NOMO1: variants seen among roughly 807,000 people sequenced by gnomAD.
NOMO1 encodes nodal modulator 3.
A neutral mutation model predicts 133.8 loss-of-function variants in NOMO1; 40 were observed. The observed-to-expected ratio is 0.30, with a 90% CI of 0.23 to 0.39. The LOEUF is 0.39. Ranked by LOEUF, NOMO1 falls within the 10% of genes least tolerant of loss-of-function variation. NOMO1 has a pLI of 1.00. For synonymous variants in NOMO1, 236 were observed against 570.5 expected, an observed-to-expected ratio of 0.41 and a Z score of 8.36; for missense variants, 462 against 1,419.9, an observed-to-expected ratio of 0.33 and a Z score of 10.84.
At chr16:14,893,511 T>G (rs1469047037) in intron 29 of NOMO1, among the ~76,000 whole-genome samples, 2 of 152,022 alleles carry the variant, frequency 1.3e-5, no homozygotes, top group African/African-American at 2.4e-5. Context: ...AGTAAGTGTT[T>G]ACTTCAGTGG....
At position 14,877,626 on chromosome 16, in the gene NOMO1, C is replaced by G. The variant is rs559716894; in HGVS notation, c.2643+836C>G. Among the ~76,000 whole-genome samples, 436 of 151,980 alleles carry G rather than the reference C, an allele frequency of 2.9e-3. 4 individuals are homozygous for G. Among genetic ancestry groups the G allele is most frequent in the Non-Finnish European group, 3.5e-3 (240 of 67,930 alleles). ...AAAGATTATGAAAAGGAAATTCATG[C>G]AAGTAACGCAGGTGACTAATAAACA... On this transcript the variant is annotated intron_variant, in intron 22 of 30. Transcript: ENST00000287667.
intron 27 of NOMO1, among the ~76,000 whole-genome samples, chr16:14,886,118 G>A (rs896274100): frequency 1.3e-5 from 2 of 152,032 alleles, no homozygotes; most frequent in African/African-American, 4.8e-5. Flanking sequence ...CATGCCGTGT[G>A]GGAGTGAGAA....
In NOMO1 at chr16:14,882,708, G is replaced by T. The variant is rs1380005229; in HGVS notation, c.3111+31G>T. The T allele has an allele frequency of 2.5e-6, 4 of 1,611,450 alleles. No homozygotes were observed. In the African/African-American group the frequency reaches 5.4e-5, roughly 22 times the overall value. On this transcript the variant is annotated intron_variant, in intron 26 of 30. Transcript: ENST00000287667. ...GCATTCAGTGCTGCCGCTGCACCTG[G>T]GTGTGGGTGCCTCCCTGATCAGAAG...
At chr16:14,865,796 G>A (rs1168404108) in intron 14 of NOMO1, among the ~76,000 whole-genome samples, 1 of 126,802 alleles carries the variant, frequency 7.9e-6, no homozygotes, top group Non-Finnish European at 1.6e-5. Flanking sequence ...TGTTATGGCA[G>A]GGCTTGGCAG....
chr16:14,856,807 G>A (rs1378200807), intron 9 of NOMO1, among the ~76,000 whole-genome samples: 2 of 151,924 alleles, frequency 1.3e-5, no homozygotes, highest in African/African-American at 4.8e-5. Flanking sequence ...AGGACTGATC[G>A]ATGCTGGAGG....
chr16:14,836,601 T>C (rs1410346383), intron 1 of NOMO1, among the ~76,000 whole-genome samples: 7 of 151,926 alleles, frequency 4.6e-5, no homozygotes, highest in Admixed American at 4.6e-4. Flanking sequence ...AAATTTTCCT[T>C]GAGCCCAGTA....
intron 25 of NOMO1, 36 bp from the exon 26 acceptor site, chr16:14,882,558 C>G (rs772500211): frequency 1.4e-5 from 23 of 1,611,478 alleles, no homozygotes; most frequent in Non-Finnish European, 1.9e-5. Context: ...CGACAAGCCC[C>G]CTTTCTAGAG....
chr16:14,861,702 C>T (rs992344193), intron 11 of NOMO1, among the ~76,000 whole-genome samples: 9 of 151,064 alleles, frequency 6.0e-5, no homozygotes, highest in Admixed American at 3.3e-4. Context: ...GCTGCGTGAG[C>T]CATACGGTCT....
intron 29 of NOMO1, among the ~76,000 whole-genome samples, chr16:14,892,056 T>C (rs1964412663): frequency 6.6e-6 from 1 of 151,392 alleles, no homozygotes; most frequent in South Asian, 2.1e-4. Context: ...GCCTGGGCAA[T>C]GTGGTGAAAG....
At position 14,868,559 on chromosome 16, in the gene NOMO1, G is replaced by A. The variant is rs1031204750; in HGVS notation, c.1818G>A (p.Gln606=). ...LSHAITLEFY[Q]DGNGRENVGI... is the part of the protein sequence containing the mutation. The stretch of plus-strand genomic sequence containing the variant: ...CTTTGCTTCCTTAGGAATTTTATCA[G>A]GATGGAAATGGGCGTGAGAATGTGG... The change falls in exon 16 of 31, where the codon CAG becomes CAA. Residue 606 remains glutamine, a synonymous_variant. Transcript: ENST00000287667. 5.6e-6 allele frequency: 9 copies of A among 1,611,684 alleles called. 1 individual carries two copies. Among genetic ancestry groups the A allele is most frequent in the Admixed American group, 1.7e-5 (1 of 59,932 alleles).
At chr16:14,880,936 C>T (rs1964233637) in intron 24 of NOMO1, among the ~76,000 whole-genome samples, 1 of 150,762 alleles carries the variant, frequency 6.6e-6, no homozygotes, top group Non-Finnish European at 1.5e-5. Context: ...ATAATCCCAG[C>T]ACTTTTGGAG....
intron 29 of NOMO1, 54 bp downstream of exon 29, chr16:14,889,269 C>G: frequency 6.2e-7 from 1 of 1,611,506 alleles, no homozygotes; most frequent in South Asian, 1.1e-5. Flanking sequence ...TGGTGGCTCA[C>G]GCCTGTAATC....
intron 27 of NOMO1, among the ~76,000 whole-genome samples, chr16:14,885,251 G>T (rs1158979373): frequency 6.6e-6 from 1 of 151,928 alleles, no homozygotes; most frequent in Non-Finnish European, 1.5e-5. Flanking sequence ...ATCAGAGGTG[G>T]TGGACGGTGG....
Position 14,852,499 on chromosome 16 carries a change from A to G in NOMO1, c.652A>G (p.Asn218Asp). The change falls in exon 7 of 31, where the codon AAT (asparagine) becomes GAT (aspartate). Residue 218 changes from asparagine (N) to aspartate (D), a missense_variant. Coordinates refer to ENST00000287667, the MANE Select transcript of NOMO1 (RefSeq NM_014287.4). ...CAGTCCCCTCATAGTTGCTGGCTAC[A>G]ATGTGTCTGGCTCTGTCCGAAGTGA... is the stretch of plus-strand genomic sequence containing the variant. Reference protein sequence around the residue: ...AASPLIVAGYNVSGSVRSDGE... With the variant: ...AASPLIVAGYDVSGSVRSDGE... The G allele has an allele frequency of 6.5e-7, 1 of 1,529,688 alleles. No individual in the cohort carries two copies. The highest frequency in any genetic ancestry group is 8.8e-7 in the Non-Finnish European group (1 of 1,130,286). 94.8% of individuals were successfully genotyped at this position (1,529,688 alleles called of 1,614,324 possible).
chr16:14,851,399 T>C (rs1197665541), intron 6 of NOMO1, among the ~76,000 whole-genome samples: 1 of 151,514 alleles, frequency 6.6e-6, no homozygotes, highest in Non-Finnish European at 1.5e-5. Context: ...CTGTGTTTAT[T>C]GTACCTTAAC....
Position 14,876,661 on chromosome 16 carries a change from C to T in NOMO1, c.2517-3C>T. On this transcript the variant is annotated splice_polypyrimidine_tract_variant and splice_region_variant and intron_variant, in intron 21 of 30. Coordinates refer to ENST00000287667, the MANE Select transcript of NOMO1 (RefSeq NM_014287.4). ...TGCTAGCATTCTGCTCTCTCCTCTT[C>T]AGTGTTGGCCCCCTGCACAGTGACC... is the stretch of plus-strand genomic sequence containing the variant. The T allele has an allele frequency of 6.2e-7, 1 of 1,610,726 alleles. No homozygotes were observed.
chr16:14,857,020 T>C (rs1963849189), intron 9 of NOMO1, among the ~76,000 whole-genome samples, 197 bp from the exon 10 acceptor site: 1 of 151,962 alleles, frequency 6.6e-6, no homozygotes, highest in South Asian at 2.1e-4. Flanking sequence ...AGCAGTGTGT[T>C]GGGAACACAA....
chr16:14,843,165 C>T (rs866483791), intron 3 of NOMO1, among the ~76,000 whole-genome samples: 9 of 135,058 alleles, frequency 6.7e-5, no homozygotes, highest in Admixed American at 1.5e-4. Context: ...GTGATCTGCC[C>T]GCTTTGGCCT....
At chr16:14,873,734 C>T (rs1187889815) in intron 18 of NOMO1, among the ~76,000 whole-genome samples, 1 of 151,782 alleles carries the variant, frequency 6.6e-6, no homozygotes, top group Non-Finnish European at 1.5e-5. Flanking sequence ...GTGTTGCTTG[C>T]TTGTGCCGGA....
Sources: gnomAD v4.1 joint callset for allele counts (sites outside exome capture counted in the v4.1 genomes callset) on GRCh38, gnomAD v4.1.1 for gene constraint, MANE v1.5 for transcripts, NCBI Gene and HGNC (gene_info 2026-07-23, HGNC 2026-07-21) for gene names.